Variants in PARD6B observed in about 807,000 individuals in gnomAD.
PARD6B encodes the protein par-6 family cell polarity regulator beta, also known as partitioning defective 6 homolog beta.
A neutral mutation model predicts 10.5 loss-of-function variants in PARD6B; 4 were observed. The observed-to-expected ratio is 0.38, with a 90% CI of 0.19 to 0.87. The LOEUF (loss-of-function observed/expected upper bound fraction) is 0.87, where lower values mean the gene tolerates loss of function less well. Ranked by LOEUF, PARD6B falls within the 40% of genes least tolerant of loss-of-function variation. The probability of loss-of-function intolerance (pLI) is 0.41; values close to 1 mark genes in which losing one functional copy is unlikely to be tolerated. For missense variants in PARD6B, 396 were observed against 470.6 expected, an observed-to-expected ratio of 0.84 and a Z score of 1.47; for synonymous variants, 169 against 170.4, an observed-to-expected ratio of 0.99 and a Z score of 0.07.
In PARD6B at chr20:50,750,222, G is replaced by C. The variant is rs1222873237; in HGVS notation, c.853G>C (p.Glu285Gln). ...GYPQQIEPSF[E>Q]PEDEDSEEDD... is the part of the protein sequence containing the mutation. The stretch of plus-strand genomic sequence containing the variant: ...CCCACAGCAGATTGAACCAAGCTTT[G>C]AGCCAGAGGATGAAGACAGCGAAGA... Residue 285 changes from glutamate (E) to glutamine (Q), a missense_variant, in exon 3 of 3, where the codon GAG (glutamate) becomes CAG (glutamine). Physicochemically the swap from Glu to Gln is conservative, Grantham distance 29. Around this residue, in one of 2 missense-constraint regions of PARD6B, gnomAD observed 188 missense variants for 169.7 expected, o/e 1.11. Transcript: ENST00000371610. The C allele has an allele frequency of 3.1e-6, 5 of 1,614,084 alleles. No homozygotes were observed. Among genetic ancestry groups the C allele is most frequent in the Non-Finnish European group, 4.2e-6 (5 of 1,180,034 alleles).
In PARD6B at chr20:50,737,810, T is replaced by A; in HGVS notation, c.67-47T>A. On this transcript the variant is annotated intron_variant, in intron 1 of 2. Coordinates refer to ENST00000371610, the MANE Select transcript of PARD6B (RefSeq NM_032521.3). ...GGCATGCATTTTCAAATTGGGTCCT[T>A]TTACTTTTTTTTTTTTTTTTAAGTA... The A allele has an allele frequency of 1.5e-6, 2 of 1,346,784 alleles. 1 individual carries two copies. Among genetic ancestry groups the A allele is most frequent in the East Asian group, 5.2e-5 (2 of 38,564 alleles). The allele number at this position is 1,346,784 out of a possible 1,614,324, so 83.4% of individuals were successfully genotyped here.
Position 50,753,075 on chromosome 20 carries a change from CT to C in PARD6B, c.*2598del, listed in dbSNP as rs781547758. 537 of 741,996 alleles carry C rather than the reference CT, an allele frequency of 7.2e-4. No individual in the cohort carries two copies. Among genetic ancestry groups the C allele is most frequent in the African/African-American group, 1.6e-3 (70 of 43,964 alleles). The allele number at this position is 741,996 out of a possible 1,614,324, so 46.0% of individuals were successfully genotyped here. A position where few individuals can be genotyped will look rare whatever the true frequency, so the allele number is the denominator to read the frequency against. On this transcript the variant is annotated 3_prime_UTR_variant, in exon 3 of 3. Coordinates refer to ENST00000371610, the MANE Select transcript of PARD6B (RefSeq NM_032521.3). ...AAATATTTTTACACACTACCTCTCT[CT>C]TTTTTTTTTTAAAGTTTTAACATCA...
In PARD6B at chr20:50,750,690, A is replaced by G. The variant is rs924514128; in HGVS notation, c.*202A>G. Reference sequence around the variant, plus strand: ...GATCAGAGGTGAATTTAAGTCCAAAACAAAGGGGCCTTTGCTGATGAAGTT... The same window carrying G: ...GATCAGAGGTGAATTTAAGTCCAAAGCAAAGGGGCCTTTGCTGATGAAGTT... On this transcript the variant is annotated 3_prime_UTR_variant, in exon 3 of 3. Transcript: ENST00000371610. 4 of 1,355,778 alleles carry G rather than the reference A, an allele frequency of 3.0e-6. No homozygotes were observed. Among genetic ancestry groups the G allele is most frequent in the African/African-American group, 1.5e-5 (1 of 65,048 alleles). The allele number at this position is 1,355,778 out of a possible 1,614,324, so 84.0% of individuals were successfully genotyped here. A position where few individuals can be genotyped will look rare whatever the true frequency, so the allele number is the denominator to read the frequency against.
In PARD6B at chr20:50,750,058, A is replaced by C. The variant is rs1482023831; in HGVS notation, c.689A>C (p.Gln230Pro). Residue 230 changes from glutamine to proline, a missense_variant, in exon 3 of 3, where the codon CAA becomes CCA. Gln to Pro is a moderately conservative substitution (Grantham distance 76). Transcript: ENST00000371610. ...GIEVSGKSLDQVTDMMIANSR... is the reference protein window; with the variant it reads ...GIEVSGKSLDPVTDMMIANSR... ...GAAGTTTCAGGGAAGAGCCTTGATC[A>C]AGTAACAGACATGATGATTGCAAAT... The C allele has an allele frequency of 6.2e-7, 1 of 1,614,126 alleles. No individual in the cohort carries two copies. The highest frequency in any genetic ancestry group is 8.5e-7 in the Non-Finnish European group (1 of 1,180,046).
intron 2 of PARD6B, among the ~76,000 whole-genome samples, chr20:50,742,917 C>G (rs953979651): frequency 1.2e-4 from 18 of 152,082 alleles, no homozygotes; most frequent in African/African-American, 3.1e-4. Flanking sequence ...AAAAACAAAG[C>G]ACAAGAAACC....
At position 50,750,530 on chromosome 20, in the gene PARD6B, A is replaced by C; in HGVS notation, c.*42A>C. On this transcript the variant is annotated 3_prime_UTR_variant, in exon 3 of 3. Transcript: ENST00000371610. ...TTTTCAGAGTGAGGATGCCATGAGG[A>C]CTTGTACATTTGGCTAGTTTAAAAG... The C allele has an allele frequency of 6.3e-7, 1 of 1,579,494 alleles. No individual in the cohort carries two copies. Among genetic ancestry groups the C allele is most frequent in the Non-Finnish European group, 8.6e-7 (1 of 1,164,128 alleles).
chr20:50,753,403 A>C lies in PARD6B; in HGVS notation c.*2915A>C, dbSNP rs1024546136. ...TTATTTCAAGTGCACCTTATTAACA[A>C]AAGTATCAGTGGATCCAACATAAAA... On this transcript the variant is annotated 3_prime_UTR_variant, in exon 3 of 3. Coordinates refer to ENST00000371610, the MANE Select transcript of PARD6B (RefSeq NM_032521.3). The C allele has an allele frequency of 2.0e-6, 2 of 984,140 alleles. No homozygotes were observed. The highest frequency in any genetic ancestry group is 3.5e-5 in the African/African-American group (2 of 57,194). 61.0% of individuals were successfully genotyped at this position (984,140 alleles called of 1,614,324 possible).
At chr20:50,737,790 G>A in intron 1 of PARD6B, 67 bp from the exon 2 acceptor site, 1 of 1,031,736 alleles carries the variant, frequency 9.7e-7, no homozygotes, top group Non-Finnish European at 1.4e-6. Flanking sequence ...TCTATGGCAT[G>A]CATTTTCAAA....
At chr20:50,746,321 A>G (rs1191726778) in intron 2 of PARD6B, among the ~76,000 whole-genome samples, 3 of 152,204 alleles carry the variant, frequency 2.0e-5, no homozygotes, top group African/African-American at 7.2e-5. Flanking sequence ...CAGTTTGACT[A>G]TTTGGAGGCC....
chr20:50,753,671 A>G lies in PARD6B; in HGVS notation c.*3183A>G, dbSNP rs1461664594. 1 of 752,074 alleles carries G rather than the reference A, an allele frequency of 1.3e-6. No homozygotes were observed. Among genetic ancestry groups the G allele is most frequent in the African/African-American group, 1.9e-5 (1 of 52,520 alleles). The allele number at this position is 752,074 out of a possible 1,614,324, so 46.6% of individuals were successfully genotyped here. On this transcript the variant is annotated 3_prime_UTR_variant, in exon 3 of 3. Transcript: ENST00000371610. ...GTACATTATCACTAAATGAACTTCG[A>G]TTTTAAAAATCAAATTAGCTTTAGT...
chr20:50,750,402 A>G lies in PARD6B; in HGVS notation c.1033A>G (p.Ile345Val), dbSNP rs1420306508. ...CTCTAATGAAGTGAGCTTAGCAGCC[A>G]TAGCAAGCAGCTCAAACACGGAATT... ...IPSNEVSLAA[I>V]ASSSNTEFET... Residue 345 changes from isoleucine (I) to valine (V), a missense_variant, in exon 3 of 3, where the codon ATA (isoleucine) becomes GTA (valine). By Grantham distance (29) the Ile-to-Val change is conservative. This residue lies in a region of PARD6B where 188 missense variants were observed against 169.7 expected (regional missense o/e 1.11). Transcript: ENST00000371610. The G allele has an allele frequency of 6.2e-7, 1 of 1,614,216 alleles. No individual in the cohort carries two copies. Among genetic ancestry groups the G allele is most frequent in the Non-Finnish European group, 8.5e-7 (1 of 1,180,026 alleles).
chr20:50,746,089 C>G (rs1456156689), intron 2 of PARD6B, among the ~76,000 whole-genome samples: 1 of 148,656 alleles, frequency 6.7e-6, no homozygotes, highest in African/African-American at 2.5e-5. Context: ...TCTAGATTTG[C>G]TTTTTACTCA....
At position 50,752,014 on chromosome 20, in the gene PARD6B, G is replaced by A; in HGVS notation, c.*1526G>A. 1.0e-6 allele frequency: 1 copy of A among 985,340 alleles called. No homozygotes were observed. The highest frequency in any genetic ancestry group is 1.2e-6 in the Non-Finnish European group (1 of 829,912). 61.0% of individuals were successfully genotyped at this position (985,340 alleles called of 1,614,324 possible). A position where few individuals can be genotyped will look rare whatever the true frequency, so the allele number is the denominator to read the frequency against. The stretch of plus-strand genomic sequence containing the variant: ...TAGCCAGGAAGCTATCTTTTCTTGA[G>A]TTATGAAACTTTGCAACAGTTGTTC... On this transcript the variant is annotated 3_prime_UTR_variant, in exon 3 of 3. Coordinates refer to ENST00000371610, the MANE Select transcript of PARD6B (RefSeq NM_032521.3).
At position 50,734,602 on chromosome 20, in the gene PARD6B, C is replaced by T. The variant is rs114241880; in HGVS notation, c.66+2750C>T. 8.4e-3 allele frequency among the ~76,000 whole-genome samples: 1,280 copies of T among 152,126 alleles called. 23 individuals are homozygous for T. The highest frequency in any genetic ancestry group is 0.029 in the African/African-American group (1,204 of 41,488). On this transcript the variant is annotated intron_variant, in intron 1 of 2. Transcript: ENST00000371610. Reference sequence around the variant, plus strand: ...CTTGAACACCTGAGCTCTAGTGATCCGCCCGTCTCTACCTCTCAAAGTACT... The same window carrying T: ...CTTGAACACCTGAGCTCTAGTGATCTGCCCGTCTCTACCTCTCAAAGTACT...
chr20:50,752,738 T>G lies in PARD6B; in HGVS notation c.*2250T>G. The G allele has an allele frequency of 1.0e-6, 1 of 982,122 alleles. No homozygotes were observed. Among genetic ancestry groups the G allele is most frequent in the Non-Finnish European group, 1.2e-6 (1 of 826,532 alleles). The allele number at this position is 982,122 out of a possible 1,614,324, so 60.8% of individuals were successfully genotyped here. Reference sequence around the variant, plus strand: ...TTTGAAGGATGTTTTCTCTATATGGTAAAATATATATGAAGAAGTCTTGAT... The same window carrying G: ...TTTGAAGGATGTTTTCTCTATATGGGAAAATATATATGAAGAAGTCTTGAT... On this transcript the variant is annotated 3_prime_UTR_variant, in exon 3 of 3. Coordinates refer to ENST00000371610, the MANE Select transcript of PARD6B (RefSeq NM_032521.3).
Position 50,750,892 on chromosome 20 carries a change from C to T in PARD6B, c.*404C>T, listed in dbSNP as rs2087601507. 1 of 985,208 alleles carries T rather than the reference C, an allele frequency of 1.0e-6. No homozygotes were observed. Among genetic ancestry groups the T allele is most frequent in the Non-Finnish European group, 1.2e-6 (1 of 830,508 alleles). The allele number at this position is 985,208 out of a possible 1,614,324, so 61.0% of individuals were successfully genotyped here. A position where few individuals can be genotyped will look rare whatever the true frequency, so the allele number is the denominator to read the frequency against. ...AAATTCTAATGTGAAGTCTGATTCTCTCTTGTGGTACATTGGGGACCTCAG... is the reference window on the plus strand; with the variant it reads ...AAATTCTAATGTGAAGTCTGATTCTTTCTTGTGGTACATTGGGGACCTCAG... On this transcript the variant is annotated 3_prime_UTR_variant, in exon 3 of 3. Coordinates refer to ENST00000371610, the MANE Select transcript of PARD6B (RefSeq NM_032521.3).
intron 1 of PARD6B, among the ~76,000 whole-genome samples, chr20:50,735,010 C>T (rs1297796707): frequency 1.3e-5 from 2 of 152,010 alleles, no homozygotes; most frequent in South Asian, 2.1e-4. Context: ...ATTAGTGGGG[C>T]GTGATGGCAT....
In PARD6B at chr20:50,752,316, G is replaced by T. The variant is rs1159363904; in HGVS notation, c.*1828G>T. ...ATGTTTTAACACATAGGACAAACTT[G>T]TGCACTTTTTATGCCAAAAAAAAAA... On this transcript the variant is annotated 3_prime_UTR_variant, in exon 3 of 3. Coordinates refer to ENST00000371610, the MANE Select transcript of PARD6B (RefSeq NM_032521.3). The T allele has an allele frequency of 4.1e-6, 4 of 969,516 alleles. No homozygotes were observed. Among genetic ancestry groups the T allele is most frequent in the Non-Finnish European group, 4.8e-6 (4 of 826,122 alleles). The allele number at this position is 969,516 out of a possible 1,614,324, so 60.1% of individuals were successfully genotyped here.
intron 1 of PARD6B, among the ~76,000 whole-genome samples, chr20:50,734,118 C>G (rs2087486720): frequency 6.6e-6 from 1 of 152,070 alleles, no homozygotes; most frequent in Non-Finnish European, 1.5e-5. Context: ...GACAAATAGG[C>G]AAGATATAGG....
Sources: gnomAD v4.1 joint callset for allele counts (sites outside exome capture counted in the v4.1 genomes callset) on GRCh38, gnomAD v4.1.1 for gene constraint, gnomAD v4.1.1 regional missense constraint, MANE v1.5 for transcripts, NCBI Gene and HGNC (gene_info 2026-07-23, HGNC 2026-07-21) for gene names.